GTF2A1L: variants seen among roughly 807,000 people sequenced by gnomAD.
GTF2A1L encodes general transcription factor IIA subunit 1 like, also known as TFIIA-alpha and beta-like factor.
In GTF2A1L, 48 loss-of-function variants were observed where a neutral mutation model predicts 49.7. The ratio of observed to expected loss-of-function variants is 0.97; its 90% CI spans 0.77 to 1.23. GTF2A1L has a LOEUF of 1.23. Among genes scored for constraint, GTF2A1L ranks in the 50% most tolerant of loss-of-function variants. GTF2A1L has a pLI of 0.00. For synonymous variants in GTF2A1L, 246 were observed against 193.5 expected (o/e 1.27, Z -2.25); for missense variants, 736 against 564.8 (o/e 1.30, Z -3.07).
At chr2:48,637,039 C>T (rs1042472430) in intron 3 of GTF2A1L, among the ~76,000 whole-genome samples, 5 of 152,044 alleles carry the variant, frequency 3.3e-5, no homozygotes, top group African/African-American at 7.2e-5. Context: ...ACTGTATGTC[C>T]GATTGTTCTT....
intron 6 of GTF2A1L, among the ~76,000 whole-genome samples, chr2:48,658,432 A>G (rs1041081107): frequency 6.6e-6 from 1 of 151,962 alleles, no homozygotes; most frequent in African/African-American, 2.4e-5. Flanking sequence ...CTTTATTTCT[A>G]AGTTCTCTAT....
At chr2:48,675,304 G>A (rs1297046275) in intron 8 of GTF2A1L, among the ~76,000 whole-genome samples, 1 of 152,110 alleles carries the variant, frequency 6.6e-6, no homozygotes, top group Non-Finnish European at 1.5e-5. Context: ...CAGAGTACTG[G>A]ATAAGAATGT....
At chr2:48,652,570 G>A (rs745744293) in intron 6 of GTF2A1L, among the ~76,000 whole-genome samples, 6 of 151,308 alleles carry the variant, frequency 4.0e-5, no homozygotes, top group African/African-American at 9.7e-5. Context: ...AGCCAAGATC[G>A]TCCCACTGCA....
At chr2:48,645,771 C>T (rs1030776464) in intron 5 of GTF2A1L, among the ~76,000 whole-genome samples, 5 of 152,164 alleles carry the variant, frequency 3.3e-5, no homozygotes, top group Non-Finnish European at 7.3e-5. Context: ...GCCTCAGCCT[C>T]CCAAGTAGCT....
At chr2:48,656,222 A>G (rs1000591532) in intron 6 of GTF2A1L, among the ~76,000 whole-genome samples, 17 of 152,114 alleles carry the variant, frequency 1.1e-4, no homozygotes, top group African/African-American at 3.6e-4. Flanking sequence ...AAATCATATG[A>G]CAATTCTACT....
intron 3 of GTF2A1L, among the ~76,000 whole-genome samples, chr2:48,626,131 C>G (rs1049702328): frequency 2.1e-5 from 3 of 143,930 alleles, no homozygotes; most frequent in Admixed American, 1.4e-4. Context: ...AGAAACTATC[C>G]TTTCCCCATT....
intron 6 of GTF2A1L, among the ~76,000 whole-genome samples, chr2:48,657,591 A>G (rs1307976021): frequency 1.2e-4 from 19 of 152,056 alleles, no homozygotes; most frequent in Admixed American, 1.1e-3. Flanking sequence ...TTTGGTAGAA[A>G]TATTTCTTTT....
intron 3 of GTF2A1L, among the ~76,000 whole-genome samples, chr2:48,633,906 T>C (rs1676732281): frequency 6.6e-6 from 1 of 152,148 alleles, no homozygotes; most frequent in African/African-American, 2.4e-5. Context: ...TGTTTTTTAT[T>C]GTTGGTTTAA....
chr2:48,631,951 A>T lies in GTF2A1L; in HGVS notation c.248-10451A>T, dbSNP rs150107157. Reference sequence around the variant, plus strand: ...TTCAGGAGCAAGTTTTAAAATTTCCATGTAATTGTGTGATTTGGAAAAATC... The same window carrying T: ...TTCAGGAGCAAGTTTTAAAATTTCCTTGTAATTGTGTGATTTGGAAAAATC... On this transcript the variant is annotated intron_variant, in intron 3 of 8. Transcript: ENST00000403751. Among the ~76,000 whole-genome samples, 181 of 152,238 alleles carry T rather than the reference A, an allele frequency of 1.2e-3. 1 individual carries two copies. Among genetic ancestry groups the T allele is most frequent in the African/African-American group, 4.0e-3 (166 of 41,544 alleles).
chr2:48,661,718 A>G (rs933280778), intron 6 of GTF2A1L, among the ~76,000 whole-genome samples: 4 of 152,074 alleles, frequency 2.6e-5, no homozygotes, highest in African/African-American at 7.2e-5. Flanking sequence ...GTGGTAACAT[A>G]GCCACTGCAG....
chr2:48,642,404 T>G lies in GTF2A1L; in HGVS notation c.250T>G (p.Ser84Ala). The G allele has an allele frequency of 2.5e-6, 4 of 1,589,814 alleles. No homozygotes were observed. Among genetic ancestry groups the G allele is most frequent in the Non-Finnish European group, 3.4e-6 (4 of 1,164,044 alleles). ...TATTTATTTTGTTTCCTATGCAGCA[T>G]CATTAGTTATTCCTGCTGGTAGAAC... Reference protein sequence around the residue: ...LHQTLQSSTASLVIPAGRTLP... With the variant: ...LHQTLQSSTAALVIPAGRTLP... The change falls in exon 4 of 9, where the codon TCA becomes GCA. Residue 84 changes from serine (S) to alanine (A), a missense_variant and splice_region_variant. Coordinates refer to ENST00000403751, the MANE Select transcript of GTF2A1L (RefSeq NM_006872.5).
At chr2:48,635,441 G>T (rs1021751434) in intron 3 of GTF2A1L, among the ~76,000 whole-genome samples, 4 of 151,978 alleles carry the variant, frequency 2.6e-5, no homozygotes, top group South Asian at 4.1e-4. Flanking sequence ...TTCTGCTTGG[G>T]GGGTGGAGCA....
At position 48,625,594 on chromosome 2, in the gene GTF2A1L, T is replaced by G. The variant is rs1676248337; in HGVS notation, c.247+4304T>G. Among the ~76,000 whole-genome samples, 2 of 143,106 alleles carry G rather than the reference T, an allele frequency of 1.4e-5. 1 individual carries two copies. Among genetic ancestry groups the G allele is most frequent in the Admixed American group, 1.4e-4 (2 of 14,030 alleles). The allele number at this position is 143,106 out of a possible 152,430, so 93.9% of individuals were successfully genotyped here. ...TCTGTATTTATTTTATTTTATTTTA[T>G]TTTTTTGAGGGAGGGTCTTGCTCTG... On this transcript the variant is annotated intron_variant, in intron 3 of 8. Transcript: ENST00000403751.
In GTF2A1L at chr2:48,646,968, A is replaced by G; in HGVS notation, c.904A>G (p.Arg302Gly). Residue 302 changes from arginine to glycine, a missense_variant, in exon 6 of 9, where the codon AGG becomes GGG. Coordinates refer to ENST00000403751, the MANE Select transcript of GTF2A1L (RefSeq NM_006872.5). ...TATTCAGCTTCATATTCTTAAAAAT[A>G]GGATGTATGGATGTGATTCTGTAAA... is the stretch of plus-strand genomic sequence containing the variant. ...TDIQLHILKN[R>G]MYGCDSVKQP... 1.9e-6 allele frequency: 3 copies of G among 1,614,184 alleles called. No homozygotes were observed. Among genetic ancestry groups the G allele is most frequent in the Non-Finnish European group, 2.5e-6 (3 of 1,180,026 alleles).
intron 6 of GTF2A1L, among the ~76,000 whole-genome samples, chr2:48,666,842 TTTTTTTCCAC>T (rs1234677697): frequency 6.6e-6 from 1 of 152,148 alleles, no homozygotes. Flanking sequence ...TGTTCATGGA[TTTTTTTCCAC>T]TTTTTTCCCT....
In GTF2A1L at chr2:48,617,902, A is replaced by T. The variant is rs990187882; in HGVS notation, c.21+7A>T. 7 of 1,551,662 alleles carry T rather than the reference A, an allele frequency of 4.5e-6. No individual in the cohort carries two copies. The East Asian group carries it at 9.8e-5, about 22-fold the overall frequency. ...GGCCTGCCTCAACCCGGTGGTAAGG[A>T]AGACCTCAGGCTCTGTGTAGAGGGA... On this transcript the variant is annotated splice_region_variant and intron_variant, in intron 1 of 8. Transcript: ENST00000403751.
intron 3 of GTF2A1L, among the ~76,000 whole-genome samples, 173 bp from the exon 4 acceptor site, chr2:48,642,229 T>G (rs986822475): frequency 1.3e-5 from 2 of 152,172 alleles, no homozygotes; most frequent in Admixed American, 1.3e-4. Flanking sequence ...TTATGTGAAG[T>G]TGTTGCAAAA....
intron 6 of GTF2A1L, among the ~76,000 whole-genome samples, chr2:48,651,976 A>C (rs987740048): frequency 1.3e-5 from 2 of 152,296 alleles, no homozygotes; most frequent in South Asian, 2.1e-4. Context: ...ACTCCTGGCT[A>C]TTTTGGTCAA....
At chr2:48,659,117 T>C (rs1470345215) in intron 6 of GTF2A1L, among the ~76,000 whole-genome samples, 12 of 152,066 alleles carry the variant, frequency 7.9e-5, no homozygotes, top group Non-Finnish European at 1.8e-4. Flanking sequence ...GTTGCCTTTA[T>C]ATATATATTA....
Sources: allele counts gnomAD v4.1 joint callset (sites outside exome capture counted in the v4.1 genomes callset), GRCh38; gene constraint gnomAD v4.1.1; transcripts MANE v1.5; gene names NCBI Gene and HGNC (gene_info 2026-07-23, HGNC 2026-07-21).